The following KLF9 variants were observed in gnomAD, a reference collection of about 807,000 sequenced individuals.
The protein encoded by KLF9 is KLF transcription factor 9.
In KLF9, 2 loss-of-function variants were observed where a neutral mutation model predicts 17.3. The ratio of observed to expected loss-of-function variants is 0.12; its 90% CI spans 0.05 to 0.36. The LOEUF (loss-of-function observed/expected upper bound fraction) is 0.36, where lower values mean the gene tolerates loss of function less well. Ranked by LOEUF, KLF9 falls within the 10% of genes least tolerant of loss-of-function variation. The pLI is 1.00. For missense variants in KLF9, 226 were observed against 333.2 expected (o/e 0.68, Z 2.51); for synonymous variants, 138 against 139.2 (o/e 0.99, Z 0.06).
Position 70,413,279 on chromosome 9 carries a change from C to T in KLF9, c.85G>A (p.Val29Ile). 6.2e-7 allele frequency: 1 copy of T among 1,612,740 alleles called. No homozygotes were observed. The highest frequency in any genetic ancestry group is 8.5e-7 in the Non-Finnish European group (1 of 1,179,758). The change falls in exon 1 of 2, where the codon GTC becomes ATC. Residue 29 changes from valine (V) to isoleucine (I), a missense_variant. Physicochemically the swap from Val to Ile is conservative, Grantham distance 29 (BLOSUM62 3). Coordinates refer to ENST00000377126, the MANE Select transcript of KLF9 (RefSeq NM_001206.4). This position sits in a 1 kb window ranked among gnomAD's most constrained non-coding sequence, Gnocchi z 5.6. ...SNRAAVPEHG[V>I]APDAERLRLP... ...CGCAGCCGCTCGGCGTCCGGAGCGA[C>T]CCCATGCTCCGGCACCGCAGCGCGG... is the stretch of plus-strand genomic sequence containing the variant.
chr9:70,408,649 T>C (rs1564088991), intron 1 of KLF9, among the ~76,000 whole-genome samples: 1 of 152,126 alleles, frequency 6.6e-6, no homozygotes, highest in East Asian at 1.9e-4. Flanking sequence ...ATACCTCCGA[T>C]GACATCAGAC....
intron 1 of KLF9, among the ~76,000 whole-genome samples, chr9:70,395,991 C>A (rs576914756): frequency 6.6e-6 from 1 of 152,046 alleles, no homozygotes; most frequent in African/African-American, 2.4e-5. Flanking sequence ...GAAATAAATA[C>A]GAAAATATTT....
intron 1 of KLF9, among the ~76,000 whole-genome samples, chr9:70,396,452 C>T (rs2037182265): frequency 3.3e-5 from 5 of 152,082 alleles, no homozygotes. Context: ...TGATCAGCTG[C>T]ATAAGTGTGT....
At chr9:70,411,020 G>A (rs1454544645) in intron 1 of KLF9, among the ~76,000 whole-genome samples, 1 of 152,194 alleles carries the variant, frequency 6.6e-6, no homozygotes, top group Non-Finnish European at 1.5e-5. Flanking sequence ...ACTCCTGACT[G>A]GGAAAAAGGT....
Position 70,414,427 on chromosome 9 carries a change from C to T in KLF9, c.-1064G>A, listed in dbSNP as rs2037363060. 1 of 152,236 alleles carries T rather than the reference C, an allele frequency of 6.6e-6. No homozygotes were observed. Among genetic ancestry groups the T allele is most frequent in the Non-Finnish European group, 1.5e-5 (1 of 68,046 alleles). The allele number at this position is 152,236 out of a possible 1,614,324, so 9.4% of individuals were successfully genotyped here. A position where few individuals can be genotyped will look rare whatever the true frequency, so the allele number is the denominator to read the frequency against. ...CAATCAAAAGTAAGTTGGTTGATGTCACTGGCATTGGCTCGGCCAATCACA... is the reference window on the plus strand; with the variant it reads ...CAATCAAAAGTAAGTTGGTTGATGTTACTGGCATTGGCTCGGCCAATCACA... On this transcript the variant is annotated 5_prime_UTR_variant, in exon 1 of 2. The change abolishes the stop of an existing upstream ORF in the 5' untranslated region. Coordinates refer to ENST00000377126, the MANE Select transcript of KLF9 (RefSeq NM_001206.4).
At chr9:70,407,467 A>C (rs943898567) in intron 1 of KLF9, among the ~76,000 whole-genome samples, 4 of 152,206 alleles carry the variant, frequency 2.6e-5, no homozygotes, top group African/African-American at 9.7e-5. Flanking sequence ...AAGATGTGAG[A>C]GGAAAATCAA....
chr9:70,400,116 G>A (rs2037211517), intron 1 of KLF9, among the ~76,000 whole-genome samples: 1 of 152,166 alleles, frequency 6.6e-6, no homozygotes, highest in African/African-American at 2.4e-5. Context: ...CCCCACACAG[G>A]CCATAACACC....
In KLF9 at chr9:70,413,438, G is replaced by A. The variant is rs1166118600; in HGVS notation, c.-75C>T. 6 of 1,299,820 alleles carry A rather than the reference G, an allele frequency of 4.6e-6. No individual in the cohort carries two copies. The highest frequency in any genetic ancestry group is 6.2e-5 in the East Asian group (2 of 32,202). The allele number at this position is 1,299,820 out of a possible 1,614,324, so 80.5% of individuals were successfully genotyped here. On this transcript the variant is annotated 5_prime_UTR_variant, in exon 1 of 2. Coordinates refer to ENST00000377126, the MANE Select transcript of KLF9 (RefSeq NM_001206.4). This position sits in a 1 kb window ranked among gnomAD's most constrained non-coding sequence, Gnocchi z 5.6. ...GCGGAGGTTCGGCTCGCCCTGCCCT[G>A]GCCTCGGACGACGAGCGCGGCGCGG...
intron 1 of KLF9, 127 bp from the exon 2 acceptor site, chr9:70,388,132 C>T: frequency 2.7e-6 from 2 of 750,676 alleles, no homozygotes; most frequent in Non-Finnish European, 4.3e-6. Context: ...ATGTGTCCCC[C>T]TCCCCAAAAT....
At chr9:70,409,069 TGTGTATATATATAC>T in intron 1 of KLF9, among the ~76,000 whole-genome samples, 1 of 68,842 alleles carries the variant, frequency 1.5e-5, no homozygotes, top group Non-Finnish European at 4.1e-5. Context: ...TGTATATATA[TGTGTATATATATAC>T]ACATATATGT....
At chr9:70,390,677 G>A (rs963184994) in intron 1 of KLF9, among the ~76,000 whole-genome samples, 12 of 150,684 alleles carry the variant, frequency 8.0e-5, no homozygotes, top group Admixed American at 6.6e-4. Flanking sequence ...TCTCTCTCTC[G>A]TCCTCCTCCT....
rs533302370 is a variant in KLF9, at chr9:70,414,573, G to C, written c.-1210C>G. 6.6e-6 allele frequency: 1 copy of C among 152,242 alleles called. No individual in the cohort carries two copies. The highest frequency in any genetic ancestry group is 2.1e-4 in the South Asian group (1 of 4,820). 9.4% of individuals were successfully genotyped at this position (152,242 alleles called of 1,614,324 possible). ...TTGAGTTATGGATGAGAGGACAGGGGTGATGAATAAATGCAGTGTGAATCT... is the reference window on the plus strand; with the variant it reads ...TTGAGTTATGGATGAGAGGACAGGGCTGATGAATAAATGCAGTGTGAATCT... On this transcript the variant is annotated 5_prime_UTR_variant, in exon 1 of 2. Transcript: ENST00000377126.
chr9:70,411,329 A>G (rs1320605077), intron 1 of KLF9, among the ~76,000 whole-genome samples: 1 of 152,222 alleles, frequency 6.6e-6, no homozygotes, highest in East Asian at 1.9e-4. Flanking sequence ...TGACACAGCC[A>G]GGCCCGCCCA....
intron 1 of KLF9, among the ~76,000 whole-genome samples, chr9:70,403,600 A>G (rs977656797): frequency 6.6e-6 from 1 of 152,166 alleles, no homozygotes; most frequent in African/African-American, 2.4e-5. Flanking sequence ...AGCCATGGAG[A>G]GGCAGAAACT....
At chr9:70,412,040 T>A (rs1200801728) in intron 1 of KLF9, among the ~76,000 whole-genome samples, 1 of 151,972 alleles carries the variant, frequency 6.6e-6, no homozygotes, top group Non-Finnish European at 1.5e-5. Flanking sequence ...TGTACGGCCA[T>A]GCCTCTCACC....
rs573442478 is a variant in KLF9, at chr9:70,400,351, C to A, written c.506-12346G>T. 3.3e-5 allele frequency among the ~76,000 whole-genome samples: 5 copies of A among 152,156 alleles called. No individual in the cohort carries two copies. In the South Asian group the frequency reaches 1.0e-3, roughly 32 times the overall value. The stretch of plus-strand genomic sequence containing the variant: ...ATGACAGACGTCTCAGTGGACATCA[C>A]CACAAGGTCAAAGGACAGCATGCAA... On this transcript the variant is annotated intron_variant, in intron 1 of 1. Coordinates refer to ENST00000377126, the MANE Select transcript of KLF9 (RefSeq NM_001206.4).
chr9:70,413,000 T>C lies in KLF9; in HGVS notation c.364A>G (p.Ser122Gly). Residue 122 changes from serine (S) to glycine (G), a missense_variant, in exon 1 of 2, where the codon AGC becomes GGC. By Grantham distance (56) the Ser-to-Gly change is moderately conservative (BLOSUM62 0). Coordinates refer to ENST00000377126, the MANE Select transcript of KLF9 (RefSeq NM_001206.4). Reference protein sequence around the residue: ...EERQDPGSAPSPLSLLHPGVA... With the variant: ...EERQDPGSAPGPLSLLHPGVA... ...CCAGGATGGAGGAGGGAGAGCGGGC[T>C]GGGCGCGCTGCCAGGATCCTGTCTC... The C allele has an allele frequency of 6.2e-7, 1 of 1,614,124 alleles. No individual in the cohort carries two copies. The highest frequency in any genetic ancestry group is 8.5e-7 in the Non-Finnish European group (1 of 1,180,004).
In KLF9 at chr9:70,384,977, T is replaced by G. The variant is rs1043202928; in HGVS notation, c.*2799A>C. 1.3e-5 allele frequency: 2 copies of G among 152,444 alleles called. No individual in the cohort carries two copies. Among genetic ancestry groups the G allele is most frequent in the Non-Finnish European group, 2.9e-5 (2 of 68,032 alleles). The allele number at this position is 152,444 out of a possible 1,614,324, so 9.4% of individuals were successfully genotyped here. ...ATTCCACAATGGTGAAGGGCTTTCT[T>G]CTTCCCTAACCAAAGAGAGGAGATA... is the stretch of plus-strand genomic sequence containing the variant. On this transcript the variant is annotated 3_prime_UTR_variant, in exon 2 of 2. Coordinates refer to ENST00000377126, the MANE Select transcript of KLF9 (RefSeq NM_001206.4).
intron 1 of KLF9, among the ~76,000 whole-genome samples, chr9:70,390,215 G>A (rs2037144257): frequency 1.3e-5 from 2 of 152,262 alleles, no homozygotes; most frequent in South Asian, 2.1e-4. Flanking sequence ...TGGGTAAAAC[G>A]AATCTGTAGC....
Sources: allele counts gnomAD v4.1 joint callset (sites outside exome capture counted in the v4.1 genomes callset), GRCh38; gene constraint gnomAD v4.1.1; non-coding constraint Gnocchi (gnomAD v3.1); transcripts MANE v1.5; gene names NCBI Gene and HGNC (gene_info 2026-07-23, HGNC 2026-07-21).